The following NKAIN3 variants were observed in gnomAD, a reference collection of about 807,000 sequenced individuals.
NKAIN3 encodes sodium/potassium transporting ATPase interacting 3.
A neutral mutation model predicts 30.2 loss-of-function variants in NKAIN3; 25 were observed. The ratio of observed to expected loss-of-function variants is 0.83; its 90% CI spans 0.60 to 1.16. The LOEUF (loss-of-function observed/expected upper bound fraction) is 1.16. NKAIN3 is among the 50% of genes most tolerant of loss of function. The pLI is 0.00. For synonymous variants in NKAIN3, 91 were observed against 89.6 expected (o/e 1.02, Z -0.09); for missense variants, 225 against 254.1 (o/e 0.89, Z 0.78).
chr8:62,588,300 T>G (rs1423753517), intron 2 of NKAIN3, among the ~76,000 whole-genome samples: 2 of 151,854 alleles, frequency 1.3e-5, no homozygotes, highest in African/African-American at 4.8e-5. Flanking sequence ...CAGCAATACC[T>G]GCATATACCA....
At chr8:62,709,163 G>T (rs1045892644) in intron 3 of NKAIN3, among the ~76,000 whole-genome samples, 1 of 152,044 alleles carries the variant, frequency 6.6e-6, no homozygotes, top group Non-Finnish European at 1.5e-5. Flanking sequence ...GTTCATCAAG[G>T]ATATCAATCT....
At chr8:62,707,457 A>G (rs1393328460) in intron 3 of NKAIN3, among the ~76,000 whole-genome samples, 1 of 151,834 alleles carries the variant, frequency 6.6e-6, no homozygotes, top group Non-Finnish European at 1.5e-5. Context: ...TGTGGTTTTG[A>G]TTTGCATTTC....
intron 6 of NKAIN3, among the ~76,000 whole-genome samples, chr8:62,961,066 G>A (rs142572137): frequency 1.5e-3 from 226 of 152,242 alleles, no homozygotes; most frequent in African/African-American, 5.3e-3. Context: ...GATCACTTGA[G>A]GTCAGGAGTT....
chr8:62,390,512 G>A (rs1176147107), intron 1 of NKAIN3, among the ~76,000 whole-genome samples: 1 of 152,146 alleles, frequency 6.6e-6, no homozygotes, highest in East Asian at 1.9e-4. Flanking sequence ...ATATAAACAT[G>A]CTTGTGTCTT....
chr8:62,439,792 G>A (rs574189219), intron 1 of NKAIN3, among the ~76,000 whole-genome samples: 2 of 152,316 alleles, frequency 1.3e-5, no homozygotes, highest in East Asian at 3.9e-4. Flanking sequence ...AGTCAACAGA[G>A]AAGCAATTTT....
At chr8:62,478,535 A>G (rs1355402995) in intron 1 of NKAIN3, among the ~76,000 whole-genome samples, 1 of 152,212 alleles carries the variant, frequency 6.6e-6, no homozygotes, top group Non-Finnish European at 1.5e-5. Flanking sequence ...ACACTAAGTC[A>G]TGCAATCATG....
intron 3 of NKAIN3, among the ~76,000 whole-genome samples, chr8:62,696,949 T>G (rs1167760973): frequency 6.6e-6 from 1 of 152,188 alleles, no homozygotes; most frequent in Non-Finnish European, 1.5e-5. Context: ...CTGTTACATT[T>G]TTTCCTAATA....
intron 1 of NKAIN3, among the ~76,000 whole-genome samples, chr8:62,476,541 C>T (rs372622477): frequency 6.6e-6 from 1 of 151,996 alleles, no homozygotes; most frequent in South Asian, 2.1e-4. Context: ...ACTGTAACCT[C>T]CACCTCCTAG....
At chr8:62,338,268 GA>G (rs903079696) in intron 1 of NKAIN3, among the ~76,000 whole-genome samples, 4 of 151,112 alleles carry the variant, frequency 2.6e-5, no homozygotes, top group African/African-American at 4.8e-5. Context: ...ACTTGAAAAA[GA>G]AAAAAATGGG....
intron 1 of NKAIN3, among the ~76,000 whole-genome samples, chr8:62,515,416 T>C (rs1177679881): frequency 6.6e-6 from 1 of 152,126 alleles, no homozygotes; most frequent in African/African-American, 2.4e-5. Context: ...ATTGCCTCTA[T>C]CTCTCCCATG....
chr8:62,955,745 C>T (rs1823402698), intron 6 of NKAIN3, among the ~76,000 whole-genome samples: 1 of 152,186 alleles, frequency 6.6e-6, no homozygotes, highest in Admixed American at 6.5e-5. Flanking sequence ...GTGACTTCCA[C>T]TTATGTTCTC....
At chr8:62,802,270 G>A (rs540213114) in intron 4 of NKAIN3, among the ~76,000 whole-genome samples, 8 of 152,184 alleles carry the variant, frequency 5.3e-5, no homozygotes, top group South Asian at 4.1e-4. Context: ...TACAGAGAAC[G>A]CCACAAAGAT....
At chr8:62,591,699 C>T (rs1326356271) in intron 3 of NKAIN3, among the ~76,000 whole-genome samples, 1 of 151,966 alleles carries the variant, frequency 6.6e-6, no homozygotes, top group Non-Finnish European at 1.5e-5. Flanking sequence ...ACCAAGTATT[C>T]TAGGTCATTA....
At chr8:62,440,034 C>T (rs1233184423) in intron 1 of NKAIN3, among the ~76,000 whole-genome samples, 1 of 151,972 alleles carries the variant, frequency 6.6e-6, no homozygotes, top group South Asian at 2.1e-4. Context: ...TTGAATTCTG[C>T]CTTTCTTTTT....
chr8:62,851,513 G>C (rs1819896915), intron 4 of NKAIN3, among the ~76,000 whole-genome samples: 1 of 152,164 alleles, frequency 6.6e-6, no homozygotes. Flanking sequence ...AGTGGTGAGA[G>C]AGGACATCCC....
intron 4 of NKAIN3, among the ~76,000 whole-genome samples, chr8:62,832,192 A>G (rs1819216579): frequency 6.6e-6 from 1 of 151,534 alleles, no homozygotes; most frequent in South Asian, 2.1e-4. Context: ...CTTTACCAGC[A>G]TTATAGGAAA....
chr8:62,703,725 G>T (rs1205294045), intron 3 of NKAIN3, among the ~76,000 whole-genome samples: 2 of 152,126 alleles, frequency 1.3e-5, no homozygotes, highest in African/African-American at 4.8e-5. Flanking sequence ...AAGTACATTT[G>T]TTGAGACTTT....
At chr8:62,453,179 A>G (rs1805705579) in intron 1 of NKAIN3, among the ~76,000 whole-genome samples, 1 of 152,200 alleles carries the variant, frequency 6.6e-6, no homozygotes, top group Non-Finnish European at 1.5e-5. Context: ...CTATTTGACT[A>G]AGAAAAAATT....
chr8:62,776,393 A>T (rs900970185), intron 4 of NKAIN3, among the ~76,000 whole-genome samples: 1 of 151,268 alleles, frequency 6.6e-6, no homozygotes, highest in Admixed American at 6.6e-5. Flanking sequence ...AGTGAAGGTG[A>T]TTTTCTTCAG....
Sources: allele counts gnomAD v4.1 joint callset (sites outside exome capture counted in the v4.1 genomes callset), GRCh38; gene constraint gnomAD v4.1.1; transcripts MANE v1.5; gene names NCBI Gene and HGNC (gene_info 2026-07-23, HGNC 2026-07-21).